Variants in CASR observed in about 807,000 individuals in gnomAD.
CASR encodes extracellular calcium-sensing receptor.
A neutral mutation model predicts 69.1 loss-of-function variants in CASR; 23 were observed. The ratio of observed to expected loss-of-function variants is 0.33; its 90% confidence interval spans 0.24 to 0.47. The LOEUF (loss-of-function observed/expected upper bound fraction) is 0.47, where lower values mean the gene tolerates loss of function less well. Ranked by LOEUF, CASR falls within the 20% of genes least tolerant of loss-of-function variation. The probability of loss-of-function intolerance (pLI) is 1.00; values close to 1 mark genes in which losing one functional copy is unlikely to be tolerated. For missense variants in CASR, 924 were observed against 1,356.1 expected (o/e 0.68, Z 5.00); for synonymous variants, 541 against 544.7 (o/e 0.99, Z 0.10).
At chr3:122,200,167 A>G (rs559046207) in intron 1 of CASR, among the ~76,000 whole-genome samples, 44 of 152,312 alleles carry the variant, frequency 2.9e-4, no homozygotes, top group African/African-American at 1.1e-3. Flanking sequence ...TTGACCTCTC[A>G]AAGTGCTGGG....
chr3:122,255,096 T>C (rs1268330557), intron 2 of CASR, among the ~76,000 whole-genome samples: 1 of 152,176 alleles, frequency 6.6e-6, no homozygotes, highest in Non-Finnish European at 1.5e-5. Context: ...CATCATTTTC[T>C]CCATGATATG....
chr3:122,227,600 T>C (rs2074237172), intron 1 of CASR, among the ~76,000 whole-genome samples: 1 of 152,188 alleles, frequency 6.6e-6, no homozygotes. Context: ...GCTCTAGCCT[T>C]GGCCAGCCCA....
At chr3:122,234,571 A>G (rs982302535) in intron 1 of CASR, among the ~76,000 whole-genome samples, 1 of 152,230 alleles carries the variant, frequency 6.6e-6, no homozygotes, top group Non-Finnish European at 1.5e-5. Flanking sequence ...AGAGGATGGA[A>G]TTTTATTTAT....
At chr3:122,228,529 A>C (rs930519009) in intron 1 of CASR, among the ~76,000 whole-genome samples, 1 of 152,194 alleles carries the variant, frequency 6.6e-6, no homozygotes, top group African/African-American at 2.4e-5. Context: ...GGACTTCTTC[A>C]ATTGAGATTA....
At chr3:122,262,609 T>C (rs920598990) in intron 4 of CASR, among the ~76,000 whole-genome samples, 197 bp downstream of exon 4, 4 of 152,236 alleles carry the variant, frequency 2.6e-5, no homozygotes, top group Non-Finnish European at 5.9e-5. Context: ...TGATTATCTA[T>C]TTAAAGCCTT....
rs2074964912 is a variant in CASR at position 122,285,953 on chromosome 3, C to T, written c.*762C>T. On this transcript the variant is annotated 3_prime_UTR_variant, in exon 7 of 7. Coordinates refer to ENST00000639785, the MANE Select transcript of CASR (RefSeq NM_000388.4). ...ATGGACAATATAAACTGAAAAATGT[C>T]AGTCTGGTTTATATAAGGCAGTATT... 6.5e-6 allele frequency: 1 copy of T among 152,802 alleles called. No homozygotes were observed. The highest frequency in any genetic ancestry group is 2.4e-5 in the African/African-American group (1 of 41,416). The allele number at this position is 152,802 out of a possible 1,614,324, so 9.5% of individuals were successfully genotyped here. A position where few individuals can be genotyped will look rare whatever the true frequency, so the allele number is the denominator to read the frequency against.
chr3:122,186,225 A>G (rs760951881), intron 1 of CASR, among the ~76,000 whole-genome samples: 1 of 152,270 alleles, frequency 6.6e-6, no homozygotes, highest in East Asian at 1.9e-4. Context: ...TATTTTGTTT[A>G]TCTTTTCATA....
rs201609857 is a variant in CASR at position 122,283,926 on chromosome 3, C to A, written c.1972C>A (p.Leu658Met). ...GCTCTCCTACCTCCTCCTCTTCTCC[C>A]TGCTCTGCTGCTTCTCCAGCTCCCT... ...RELSYLLLFS[L>M]LCCFSSSLFF... Residue 658 changes from leucine to methionine, a missense_variant, in exon 7 of 7, where the codon CTG becomes ATG. Leu to Met is a conservative substitution (Grantham distance 15). Transcript: ENST00000639785. 2.5e-6 allele frequency: 4 copies of A among 1,613,722 alleles called. No homozygotes were observed. Among genetic ancestry groups the A allele is most frequent in the Non-Finnish European group, 3.4e-6 (4 of 1,179,960 alleles).
At chr3:122,231,155 C>T (rs1046678664) in intron 1 of CASR, among the ~76,000 whole-genome samples, 2 of 152,196 alleles carry the variant, frequency 1.3e-5, no homozygotes, top group African/African-American at 4.8e-5. Context: ...TAATCCCATC[C>T]ACCATGCAGA....
At chr3:122,231,619 C>G (rs1210944856) in intron 1 of CASR, among the ~76,000 whole-genome samples, 1 of 152,082 alleles carries the variant, frequency 6.6e-6, no homozygotes, top group Non-Finnish European at 1.5e-5. Context: ...TAATCTCGTG[C>G]TAGTCACTTA....
intron 4 of CASR, among the ~76,000 whole-genome samples, chr3:122,264,467 A>G (rs1481713037): frequency 6.6e-6 from 1 of 152,172 alleles, no homozygotes. Context: ...GTAAGGGGGG[A>G]GTGAATCTCC....
intron 1 of CASR, among the ~76,000 whole-genome samples, chr3:122,217,543 TA>T (rs1029159158): frequency 2.6e-5 from 4 of 152,170 alleles, no homozygotes; most frequent in Non-Finnish European, 5.9e-5. Flanking sequence ...AGGAATAATG[TA>T]ACAATGAGTG....
At chr3:122,203,920 A>T in intron 1 of CASR, among the ~76,000 whole-genome samples, 1 of 152,052 alleles carries the variant, frequency 6.6e-6, no homozygotes, top group Non-Finnish European at 1.5e-5. Flanking sequence ...TTCTCCATAA[A>T]GTTCTTATAC....
intron 4 of CASR, 114 bp from the exon 5 acceptor site, chr3:122,275,698 T>G: frequency 1.3e-6 from 1 of 773,336 alleles, no homozygotes; most frequent in Non-Finnish European, 2.3e-6. Context: ...CAAGTCACGT[T>G]CCTCCCACTT....
Position 122,275,985 on chromosome 3 carries a change from G to A in CASR, c.1551G>A (p.Lys517=). 6.2e-7 allele frequency: 1 copy of A among 1,614,032 alleles called. No individual in the cohort carries two copies. Among genetic ancestry groups the A allele is most frequent in the Non-Finnish European group, 8.5e-7 (1 of 1,179,902 alleles). The part of the protein sequence containing the change: ...EVGYYNVYAK[K]GERLFINEEK... ...GGTATTACAACGTCTATGCCAAGAA[G>A]GGAGAAAGACTCTTCATCAACGAGG... Residue 517 remains lysine, a synonymous_variant, in exon 5 of 7, where the codon AAG becomes AAA. Coordinates refer to ENST00000639785, the MANE Select transcript of CASR (RefSeq NM_000388.4).
At chr3:122,223,416 A>G (rs775951857) in intron 1 of CASR, among the ~76,000 whole-genome samples, 2 of 152,198 alleles carry the variant, frequency 1.3e-5, no homozygotes, top group African/African-American at 4.8e-5. Context: ...GAATATTATC[A>G]AAACCTCTAT....
intron 1 of CASR, among the ~76,000 whole-genome samples, chr3:122,239,614 C>T (rs572516369): frequency 6.6e-6 from 1 of 152,200 alleles, no homozygotes; most frequent in Non-Finnish European, 1.5e-5. Flanking sequence ...TGGGGCAAGA[C>T]CCAGTGCTGT....
chr3:122,223,889 G>T (rs1367432757), intron 1 of CASR, among the ~76,000 whole-genome samples: 1 of 152,032 alleles, frequency 6.6e-6, no homozygotes. Context: ...TTCAACATAC[G>T]CAAATCAATA....
At chr3:122,186,122 A>G (rs1415774577) in intron 1 of CASR, among the ~76,000 whole-genome samples, 1 of 151,956 alleles carries the variant, frequency 6.6e-6, no homozygotes, top group African/African-American at 2.4e-5. Flanking sequence ...TTAGTTAAAA[A>G]TTTTCTTTTT....
Sources: gnomAD v4.1 joint callset for allele counts (sites outside exome capture counted in the v4.1 genomes callset) on GRCh38, gnomAD v4.1.1 for gene constraint, MANE v1.5 for transcripts, NCBI Gene and HGNC (gene_info 2026-07-23, HGNC 2026-07-21) for gene names.